KCNJ10: variants seen among roughly 807,000 people sequenced by gnomAD.
KCNJ10 encodes potassium inwardly rectifying channel subfamily J member 10.
Under a neutral mutation model 22.2 loss-of-function variants are expected in KCNJ10, and 9 were observed. The observed-to-expected ratio is 0.40, with a 90% CI of 0.24 to 0.71. The LOEUF is 0.71. Among genes scored for constraint, KCNJ10 ranks in the 30% least tolerant of loss-of-function variants. The pLI is 0.35. For missense variants in KCNJ10, 337 were observed against 482.7 expected (o/e 0.70, Z 2.83); for synonymous variants, 184 against 187.3 (o/e 0.98, Z 0.15).
In KCNJ10 at chr1:160,042,440, C is replaced by T. The variant is rs1648632037; in HGVS notation, c.93G>A (p.Leu31=). ...TCACGTTGCTGCGACCATCTTTTGTCAGGACTCTCCGCCGTCGTATCCCTG... is the reference window on the plus strand; with the variant it reads ...TCACGTTGCTGCGACCATCTTTTGTTAGGACTCTCCGCCGTCGTATCCCTG... ...MGPGIRRRRV[L]TKDGRSNVRM... is the part of the protein sequence containing the mutation. Residue 31 remains leucine, a synonymous_variant, in exon 2 of 2, where the codon CTG becomes CTA. Transcript: ENST00000644903. 2 of 1,614,186 alleles carry T rather than the reference C, an allele frequency of 1.2e-6. No homozygotes were observed. Among genetic ancestry groups the T allele is most frequent in the East Asian group, 4.5e-5 (2 of 44,886 alleles).
chr1:160,040,552 T>C lies in KCNJ10; in HGVS notation c.*841A>G, dbSNP rs1648576714. 5.0e-6 allele frequency: 2 copies of C among 398,714 alleles called. No individual in the cohort carries two copies. Among genetic ancestry groups the C allele is most frequent in the Non-Finnish European group, 4.4e-6 (1 of 226,146 alleles). 24.7% of individuals were successfully genotyped at this position (398,714 alleles called of 1,614,324 possible). ...CTCTTTTCAAAGGAACATATTGGCTTGGGTCCTTCCATTCACAGGACACAG... is the reference window on the plus strand; with the variant it reads ...CTCTTTTCAAAGGAACATATTGGCTCGGGTCCTTCCATTCACAGGACACAG... On this transcript the variant is annotated 3_prime_UTR_variant, in exon 2 of 2. Coordinates refer to ENST00000644903, the MANE Select transcript of KCNJ10 (RefSeq NM_002241.5).
At chr1:160,050,158 G>A (rs1293971362) in intron 1 of KCNJ10, among the ~76,000 whole-genome samples, 2 of 152,024 alleles carry the variant, frequency 1.3e-5, no homozygotes, top group Admixed American at 6.6e-5. Context: ...TATTGAAACT[G>A]GGTCTCACTC....
Position 160,042,397 on chromosome 1 carries a change from C to T in KCNJ10, c.136G>A (p.Asp46Asn), listed in dbSNP as rs141553756. ...TCCTTGAGGTAGAGGAAGCGCTTGT[C>T]GGCAATGTGCTCCATTCTCACGTTG... ...RSNVRMEHIADKRFLYLKDLW... is the reference protein window; with the variant it reads ...RSNVRMEHIANKRFLYLKDLW... Residue 46 changes from aspartate to asparagine, a missense_variant, in exon 2 of 2, where the codon GAC (aspartate) becomes AAC (asparagine). By Grantham distance (23) the Asp-to-Asn change is conservative. Around this residue, in one of 3 missense-constraint regions of KCNJ10, gnomAD observed 107 missense variants for 135.2 expected, o/e 0.79. Transcript: ENST00000644903. The T allele has an allele frequency of 2.3e-4, 368 of 1,614,156 alleles. 1 individual carries two copies. In the African/African-American group the frequency reaches 4.4e-3, roughly 19 times the overall value.
chr1:160,059,029 C>T (rs1008944315), intron 1 of KCNJ10, among the ~76,000 whole-genome samples: 4 of 152,196 alleles, frequency 2.6e-5, no homozygotes, highest in Non-Finnish European at 5.9e-5. Context: ...CTTTACGGTG[C>T]GCCAGGCATT....
Position 160,066,168 on chromosome 1 carries a change from T to C in KCNJ10, c.-1+3854A>G, listed in dbSNP as rs536622416. On this transcript the variant is annotated intron_variant, in intron 1 of 1. Coordinates refer to ENST00000644903, the MANE Select transcript of KCNJ10 (RefSeq NM_002241.5). ...TTGCTGAGAATGGGGAAAGAGACTA[T>C]TTGGTGAAAGCTCAACCACTCAGTT... 2.2e-4 allele frequency among the ~76,000 whole-genome samples: 34 copies of C among 151,810 alleles called. 2 individuals are homozygous for C. In the South Asian group the frequency reaches 6.7e-3, roughly 30 times the overall value.
intron 1 of KCNJ10, among the ~76,000 whole-genome samples, chr1:160,055,415 T>A (rs1300040746): frequency 6.6e-6 from 1 of 152,178 alleles, no homozygotes; most frequent in African/African-American, 2.4e-5. Flanking sequence ...TCTGCTACAC[T>A]TGAGACTGAT....
chr1:160,051,339 A>G (rs1191268780), intron 1 of KCNJ10, among the ~76,000 whole-genome samples: 1 of 152,108 alleles, frequency 6.6e-6, no homozygotes, highest in Non-Finnish European at 1.5e-5. Flanking sequence ...GAGGGGAACT[A>G]TCATGTATTG....
chr1:160,043,272 AACAC>A lies in KCNJ10; in HGVS notation c.1-744_1-741del, dbSNP rs779402094. ...ATCCTTCCAGGCCAATCCCCCTTAA[AACAC>A]ACACACACACACACACACACACACA... On this transcript the variant is annotated intron_variant, in intron 1 of 1. Coordinates refer to ENST00000644903, the MANE Select transcript of KCNJ10 (RefSeq NM_002241.5). Among the ~76,000 whole-genome samples, 914 of 132,716 alleles carry A rather than the reference AACAC, an allele frequency of 6.9e-3. 10 individuals carry two copies. Among genetic ancestry groups the A allele is most frequent in the Non-Finnish European group, 0.011 (708 of 63,614 alleles). The allele number at this position is 132,716 out of a possible 152,430, so 87.1% of individuals were successfully genotyped here. A position where few individuals can be genotyped will look rare whatever the true frequency, so the allele number is the denominator to read the frequency against.
At chr1:160,042,679 T>A in intron 1 of KCNJ10, 147 bp from the exon 2 acceptor site, 1 of 849,582 alleles carries the variant, frequency 1.2e-6, no homozygotes, top group Non-Finnish European at 1.9e-6. Flanking sequence ...GCACTTGCTA[T>A]GTGCCAGGCA....
chr1:160,041,332 T>G lies in KCNJ10; in HGVS notation c.*61A>C. 1 of 1,512,684 alleles carries G rather than the reference T, an allele frequency of 6.6e-7. No homozygotes were observed. Among genetic ancestry groups the G allele is most frequent in the Non-Finnish European group, 9.1e-7 (1 of 1,098,992 alleles). The allele number at this position is 1,512,684 out of a possible 1,614,324, so 93.7% of individuals were successfully genotyped here. The stretch of plus-strand genomic sequence containing the variant: ...CTCCAGTAAACCCGGGTAGTATTCC[T>G]TACCAGGGCATTGGAAGAGAGGAAA... On this transcript the variant is annotated 3_prime_UTR_variant, in exon 2 of 2. Coordinates refer to ENST00000644903, the MANE Select transcript of KCNJ10 (RefSeq NM_002241.5). This position sits in a 1 kb window ranked among gnomAD's most constrained non-coding sequence, Gnocchi z 4.4.
intron 1 of KCNJ10, chr1:160,062,473 G>A (rs1027688772): frequency 2.6e-5 from 4 of 152,576 alleles, no homozygotes; most frequent in Non-Finnish European, 4.4e-5. Flanking sequence ...TGCTGGTAGA[G>A]GGTGAGGGGG....
At chr1:160,046,624 C>T (rs561696797) in intron 1 of KCNJ10, among the ~76,000 whole-genome samples, 1 of 152,158 alleles carries the variant, frequency 6.6e-6, no homozygotes, top group Non-Finnish European at 1.5e-5. Flanking sequence ...TGGTTGCCAG[C>T]CTTTGTATCT....
intron 1 of KCNJ10, among the ~76,000 whole-genome samples, chr1:160,049,186 A>G (rs1446516835): frequency 6.6e-6 from 1 of 152,182 alleles, no homozygotes; most frequent in Non-Finnish European, 1.5e-5. Flanking sequence ...TAATTGTCTT[A>G]GTTCTTTCTC....
chr1:160,050,510 G>C (rs866977191), intron 1 of KCNJ10, among the ~76,000 whole-genome samples: 3 of 152,156 alleles, frequency 2.0e-5, no homozygotes, highest in Admixed American at 2.0e-4. Context: ...AGATGGATCA[G>C]ATGTAGATTC....
rs56656397 is a variant in KCNJ10, at chr1:160,039,373, GACACAC to G, written c.*2014_*2019del. ...ACTTGGCAATGGATAGGAAGGTATA[GACACAC>G]ACACACACACACACACACACACACA... On this transcript the variant is annotated 3_prime_UTR_variant, in exon 2 of 2. Transcript: ENST00000644903. 0.09 allele frequency: 12,095 copies of G among 134,852 alleles called. 551 individuals carry two copies. Among genetic ancestry groups the G allele is most frequent in the African/African-American group, 0.13 (4,502 of 35,240 alleles). The allele number at this position is 134,852 out of a possible 1,614,324, so 8.4% of individuals were successfully genotyped here. A position where few individuals can be genotyped will look rare whatever the true frequency, so the allele number is the denominator to read the frequency against.
At chr1:160,060,654 G>A (rs977755801) in intron 1 of KCNJ10, among the ~76,000 whole-genome samples, 5 of 152,076 alleles carry the variant, frequency 3.3e-5, no homozygotes, top group African/African-American at 4.8e-5. Context: ...ACCCTCCCAG[G>A]CCCCAGCACA....
intron 1 of KCNJ10, among the ~76,000 whole-genome samples, chr1:160,044,262 C>G (rs193211841): frequency 6.6e-6 from 1 of 152,274 alleles, no homozygotes; most frequent in East Asian, 1.9e-4. Context: ...CATTCACTCC[C>G]CTATATCCTT....
rs12404484 is a variant in KCNJ10 at position 160,049,562 on chromosome 1, T to G, written c.1-7030A>C. 2.8e-3 allele frequency among the ~76,000 whole-genome samples: 429 copies of G among 151,288 alleles called. 9 individuals carry two copies. The highest frequency in any genetic ancestry group is 0.022 in the Admixed American group (331 of 15,108). On this transcript the variant is annotated intron_variant, in intron 1 of 1. Transcript: ENST00000644903. ...CCTCTCTTTTCTGAGTTTCCATATA[T>G]GTATATCTATATCCAACTATACCCG...
At position 160,037,612 on chromosome 1, in the gene KCNJ10, C is replaced by G. The variant is rs556459665; in HGVS notation, c.*3781G>C. On this transcript the variant is annotated 3_prime_UTR_variant, in exon 2 of 2. Coordinates refer to ENST00000644903, the MANE Select transcript of KCNJ10 (RefSeq NM_002241.5). ...TGAATGGAAAAAACATCCCTAAATACTTCTGCATCAGTAGAGTTGGCCATT... is the reference window on the plus strand; with the variant it reads ...TGAATGGAAAAAACATCCCTAAATAGTTCTGCATCAGTAGAGTTGGCCATT... 2 of 152,248 alleles carry G rather than the reference C, an allele frequency of 1.3e-5. No homozygotes were observed. Among genetic ancestry groups the G allele is most frequent in the South Asian group, 4.1e-4 (2 of 4,832 alleles). The allele number at this position is 152,248 out of a possible 1,614,324, so 9.4% of individuals were successfully genotyped here.
Sources: gnomAD v4.1 joint callset for allele counts (sites outside exome capture counted in the v4.1 genomes callset) on GRCh38, gnomAD v4.1.1 for gene constraint, gnomAD v4.1.1 regional missense constraint, Gnocchi (gnomAD v3.1) non-coding constraint, MANE v1.5 for transcripts, NCBI Gene and HGNC (gene_info 2026-07-23, HGNC 2026-07-21) for gene names.